KLHL13: variants seen among roughly 807,000 people sequenced by gnomAD.
KLHL13 encodes the protein kelch like family member 13.
In KLHL13, 10 loss-of-function variants were observed where a neutral mutation model predicts 37.1. That is an observed-to-expected ratio of 0.27 (90% CI 0.17 to 0.46). The LOEUF (loss-of-function observed/expected upper bound fraction) is 0.46, where lower values mean the gene tolerates loss of function less well. Ranked by LOEUF, KLHL13 falls within the 20% of genes least tolerant of loss-of-function variation. The probability of loss-of-function intolerance (pLI) is 1.00; values close to 1 mark genes in which losing one functional copy is unlikely to be tolerated. For missense variants in KLHL13, 360 were observed against 509.3 expected (o/e 0.71, Z 2.82); for synonymous variants, 163 against 181.2 (o/e 0.90, Z 0.81).
intron 1 of KLHL13, chrX:117,946,866 C>T (rs960186894): frequency 1.8e-5 from 2 of 111,802 alleles, no homozygotes; most frequent in African/African-American, 6.5e-5. Context: ...AATTATGACA[C>T]CAACTAAGTG....
At chrX:117,965,992 C>A (rs1306122762) in intron 1 of KLHL13, among the ~76,000 whole-genome samples, 1 of 111,197 alleles carries the variant, frequency 9.0e-6, no homozygotes, top group Admixed American at 9.6e-5. Flanking sequence ...TGAAAACTGG[C>A]ACAAGACAGG....
In KLHL13 at chrX:117,966,533, C is replaced by T. The variant is rs1272066381; in HGVS notation, c.98+6198G>A. On this transcript the variant is annotated intron_variant, in intron 1 of 6. Transcript: ENST00000262820. ...CCATCCCCATCAAGCTACCGATGACCTTCTTCACAGAATGGGAAAAAACTA... is the reference window on the plus strand; with the variant it reads ...CCATCCCCATCAAGCTACCGATGACTTTCTTCACAGAATGGGAAAAAACTA... Among the ~76,000 whole-genome samples the T allele has an allele frequency of 4.5e-5, 5 of 111,435 alleles. No homozygotes were observed. In the South Asian group the frequency reaches 1.1e-3, roughly 26 times the overall value.
At chrX:118,089,620 G>GAAAGAAAGAA (rs773944967) in intron 1 of KLHL13, among the ~76,000 whole-genome samples, 175 of 71,895 alleles carry the variant, frequency 2.4e-3, no homozygotes, top group African/African-American at 2.8e-3. Context: ...GAGAAAGAAA[G>GAAAGAAAGAA]AGAAAGAAAG....
chrX:117,976,233 T>G (rs909431226), upstream of KLHL13, among the ~76,000 whole-genome samples: 2 of 112,163 alleles, frequency 1.8e-5, no homozygotes, highest in Non-Finnish European at 3.8e-5. Flanking sequence ...TTTCCTTTAA[T>G]AAATTATTAA....
chrX:118,023,796 G>A (rs754961198), intron 1 of KLHL13, among the ~76,000 whole-genome samples: 2 of 111,143 alleles, frequency 1.8e-5, no homozygotes, highest in Non-Finnish European at 3.8e-5. Context: ...GGTCTTGGAC[G>A]CTTAACCTCA....
chrX:118,025,905 A>G (rs1416511885), intron 1 of KLHL13, among the ~76,000 whole-genome samples: 1 of 111,971 alleles, frequency 8.9e-6, no homozygotes, highest in Admixed American at 9.5e-5. Flanking sequence ...CTTAGTTAAG[A>G]TGGAAAATGT....
intron 1 of KLHL13, among the ~76,000 whole-genome samples, chrX:118,093,107 C>T (rs1323132676): frequency 1.8e-5 from 2 of 110,790 alleles, no homozygotes; most frequent in African/African-American, 3.3e-5. Context: ...GAGTAATTTG[C>T]CTGCTAAAAG....
chrX:118,008,361 C>T (rs934829749), intron 1 of KLHL13, among the ~76,000 whole-genome samples: 1 of 111,796 alleles, frequency 8.9e-6, no homozygotes, highest in Non-Finnish European at 1.9e-5. Context: ...GTATGCACAC[C>T]CAAAATAAGC....
chrX:118,016,328 A>G (rs1050954080), intron 1 of KLHL13, among the ~76,000 whole-genome samples: 7 of 111,272 alleles, frequency 6.3e-5, no homozygotes, highest in African/African-American at 2.3e-4. Context: ...GTCAGTACAA[A>G]AGTCTGGGCT....
chrX:117,913,907 T>C (rs2147662178), intron 4 of KLHL13, among the ~76,000 whole-genome samples: 1 of 109,635 alleles, frequency 9.1e-6, no homozygotes, highest in South Asian at 3.9e-4. Context: ...TGTGGGAACC[T>C]ATAAAATTGT....
At chrX:117,909,371 G>C in exon 5 of KLHL13, 2 of 1,210,640 alleles carry the variant, frequency 1.7e-6, no homozygotes, top group South Asian at 3.5e-5. Flanking sequence ...GGTGGAAGAA[G>C]GTGCGCTTTT....
At chrX:117,972,154 G>GAGAT (rs1213932060) in intron 1 of KLHL13, among the ~76,000 whole-genome samples, 1 of 111,883 alleles carries the variant, frequency 8.9e-6, no homozygotes, top group Non-Finnish European at 1.9e-5. Flanking sequence ...ACTGCTCATA[G>GAGAT]AGATATAATT....
intron 3 of KLHL13, 90 bp from the exon 5 acceptor site, chrX:117,919,807 A>G (rs781396894): frequency 6.1e-4 from 403 of 665,318 alleles, no homozygotes; most frequent in Non-Finnish European, 8.6e-4. Flanking sequence ...AAATCAAAGG[A>G]AAGTCTTATC....
chrX:117,975,389 TTTTG>T (rs1480245904), upstream of KLHL13, among the ~76,000 whole-genome samples: 1 of 111,982 alleles, frequency 8.9e-6, no homozygotes, highest in African/African-American at 3.2e-5. Context: ...TTATGAATCT[TTTTG>T]TTTGTTTGCT....
At chrX:118,068,822 T>C (rs1446831039) in intron 1 of KLHL13, among the ~76,000 whole-genome samples, 1 of 110,576 alleles carries the variant, frequency 9.0e-6, no homozygotes, top group African/African-American at 3.3e-5. Context: ...CACCCCTGCT[T>C]AGTGGCCCTA....
intron 1 of KLHL13, among the ~76,000 whole-genome samples, chrX:117,997,768 C>G (rs2053871556): frequency 9.0e-6 from 1 of 111,396 alleles, no homozygotes; most frequent in South Asian, 3.8e-4. Flanking sequence ...TTTTAGCACC[C>G]AGCACATTCA....
intron 1 of KLHL13, among the ~76,000 whole-genome samples, chrX:118,017,146 T>C (rs746423148): frequency 9.0e-6 from 1 of 111,385 alleles, no homozygotes; most frequent in Non-Finnish European, 1.9e-5. Context: ...CTTCAGTAGA[T>C]CTCTGCAGTC....
chrX:117,905,237 T>G (rs1930422580), intron 5 of KLHL13, among the ~76,000 whole-genome samples: 1 of 111,974 alleles, frequency 8.9e-6, no homozygotes, highest in Admixed American at 9.5e-5. Context: ...TTTCATTATT[T>G]GAAACCTTAA....
intron 1 of KLHL13, among the ~76,000 whole-genome samples, chrX:117,966,715 T>C (rs1463183615): frequency 2.7e-5 from 3 of 110,863 alleles, no homozygotes; most frequent in African/African-American, 6.6e-5. Context: ...AACAGAGATA[T>C]AGACCAATGG....
Sources: allele counts gnomAD v4.1 joint callset (sites outside exome capture counted in the v4.1 genomes callset), GRCh38; gene constraint gnomAD v4.1.1; transcripts MANE v1.5; gene names NCBI Gene and HGNC (gene_info 2026-07-23, HGNC 2026-07-21).